NTM: variants seen among roughly 807,000 people sequenced by gnomAD.
NTM encodes the protein neurotrimin.
Under a neutral mutation model 42.1 loss-of-function variants are expected in NTM, and 13 were observed. The ratio of observed to expected loss-of-function variants is 0.31; its 90% confidence interval spans 0.20 to 0.49. NTM has a LOEUF of 0.49. Among genes scored for constraint, NTM ranks in the 20% least tolerant of loss-of-function variants. NTM has a pLI of 0.99. For missense variants in NTM, 373 were observed against 452.8 expected (o/e 0.82, Z 1.60); for synonymous variants, 187 against 179.2 (o/e 1.04, Z -0.35).
intron 1 of NTM, among the ~76,000 whole-genome samples, chr11:131,751,330 C>T (rs2082487860): frequency 6.6e-6 from 1 of 151,796 alleles, no homozygotes; most frequent in African/African-American, 2.4e-5. Flanking sequence ...CTCACGCCAC[C>T]GTGTAATCCC....
intron 1 of NTM, among the ~76,000 whole-genome samples, chr11:131,565,012 G>A (rs1423407093): frequency 6.6e-6 from 1 of 152,226 alleles, no homozygotes; most frequent in Non-Finnish European, 1.5e-5. Context: ...GTATGGGACA[G>A]GACGACATAC....
chr11:131,945,704 G>A (rs577978504), intron 2 of NTM, among the ~76,000 whole-genome samples: 5 of 152,288 alleles, frequency 3.3e-5, no homozygotes, highest in East Asian at 1.9e-4. Flanking sequence ...ATTTCCCTGT[G>A]GGGTAGTCTC....
Position 131,394,494 on chromosome 11 carries a change from C to T in NTM, c.82+23606C>T, listed in dbSNP as rs896327839. Among the ~76,000 whole-genome samples the T allele has an allele frequency of 4.6e-5, 7 of 152,238 alleles. No individual in the cohort carries two copies. The East Asian group carries it at 5.8e-4, about 13-fold the overall frequency. On this transcript the variant is annotated intron_variant, in intron 1 of 8. Coordinates refer to ENST00000683400, the MANE Select transcript of NTM (RefSeq NM_001352005.2). ...AGAAGACTGAGTAGGGACTCAGTGT[C>T]GGCCCTTCTACTAATGCTAGTTGTT...
At chr11:131,560,326 G>A (rs569324662) in intron 1 of NTM, among the ~76,000 whole-genome samples, 48 of 152,216 alleles carry the variant, frequency 3.2e-4, no homozygotes, top group African/African-American at 5.1e-4. Context: ...GCAGATCCCC[G>A]TAGTCATAAA....
intron 2 of NTM, among the ~76,000 whole-genome samples, chr11:132,016,979 CT>C (rs2073523962): frequency 6.6e-6 from 1 of 151,866 alleles, no homozygotes; most frequent in Admixed American, 6.6e-5. Context: ...TTGATTATTT[CT>C]TAATTGAGTT....
chr11:131,822,454 T>A (rs145246024), intron 1 of NTM, among the ~76,000 whole-genome samples: 43 of 152,264 alleles, frequency 2.8e-4, no homozygotes, highest in East Asian at 2.7e-3. Context: ...ATGGTTTTTT[T>A]AAAAAAACAA....
chr11:131,744,319 C>G (rs921542503), intron 1 of NTM, among the ~76,000 whole-genome samples: 1 of 152,132 alleles, frequency 6.6e-6, no homozygotes, highest in Non-Finnish European at 1.5e-5. Flanking sequence ...AGACTATATT[C>G]TTATAATATT....
At chr11:131,735,009 A>T (rs1293585432) in intron 1 of NTM, among the ~76,000 whole-genome samples, 1 of 152,202 alleles carries the variant, frequency 6.6e-6, no homozygotes, top group East Asian at 1.9e-4. Context: ...ATGTGACAAA[A>T]TCCTTCCTGA....
chr11:132,089,920 G>T (rs1566132019), intron 2 of NTM, among the ~76,000 whole-genome samples: 1 of 151,636 alleles, frequency 6.6e-6, no homozygotes, highest in African/African-American at 2.4e-5. Context: ...AAAATTCAAG[G>T]TTTTTTTTAT....
At chr11:131,564,269 C>CTTA (rs1188293261) in intron 1 of NTM, among the ~76,000 whole-genome samples, 6 of 95,508 alleles carry the variant, frequency 6.3e-5, no homozygotes, top group Admixed American at 9.5e-5. Context: ...TTTATGCCAC[C>CTTA]TTATTTATTT....
intron 1 of NTM, among the ~76,000 whole-genome samples, chr11:131,567,848 A>G (rs776468981): frequency 1.2e-4 from 19 of 152,210 alleles, no homozygotes; most frequent in Non-Finnish European, 2.8e-4. Flanking sequence ...GAGAGATGGA[A>G]CATCACCTGG....
intron 2 of NTM, among the ~76,000 whole-genome samples, chr11:132,014,345 G>A (rs75219144): frequency 0.022 from 3,311 of 152,086 alleles, 123 homozygotes; most frequent in African/African-American, 0.074. Flanking sequence ...ACAGTGCTGC[G>A]GTAAATGCGG....
intron 8 of NTM, among the ~76,000 whole-genome samples, chr11:132,333,066 G>C (rs1205871408): frequency 6.6e-6 from 1 of 152,188 alleles, no homozygotes; most frequent in Admixed American, 6.5e-5. Context: ...GCTGACAGCT[G>C]TGTCCCCTGC....
intron 2 of NTM, among the ~76,000 whole-genome samples, chr11:132,114,104 T>G (rs9666546): frequency 0.72 from 109,846 of 152,106 alleles, 40,802 homozygotes; most frequent in African/African-American, 0.86. Flanking sequence ...TTTTGAAGAT[T>G]TATTTCTATT....
intron 1 of NTM, among the ~76,000 whole-genome samples, chr11:131,605,393 A>G (rs1268298173): frequency 6.6e-6 from 1 of 152,146 alleles, no homozygotes; most frequent in Non-Finnish European, 1.5e-5. Context: ...TTATTTTTGT[A>G]TATTTATTGT....
intron 1 of NTM, among the ~76,000 whole-genome samples, chr11:131,685,679 C>CT (rs1043655401): frequency 1.1e-4 from 16 of 152,190 alleles, no homozygotes; most frequent in East Asian, 3.9e-4. Flanking sequence ...CTCTCCTTAC[C>CT]TTTTTTTAAA....
rs374078653 is a variant in NTM, at chr11:132,212,890, G to A, written c.526+743G>A. On this transcript the variant is annotated intron_variant, in intron 4 of 8. Transcript: ENST00000683400. ...CCAGCCTCTCTTCTAGGCACTGGGG[G>A]TTACAGCAATAAGCCAAAGCGGTGA... 3.3e-5 allele frequency among the ~76,000 whole-genome samples: 5 copies of A among 151,944 alleles called. No homozygotes were observed. The South Asian group carries it at 6.2e-4, about 19-fold the overall frequency.
At chr11:131,404,504 C>T (rs1384931262) in intron 1 of NTM, among the ~76,000 whole-genome samples, 1 of 152,178 alleles carries the variant, frequency 6.6e-6, no homozygotes, top group Non-Finnish European at 1.5e-5. Context: ...ATCCACTTCT[C>T]CGGGAGATCT....
intron 2 of NTM, among the ~76,000 whole-genome samples, chr11:132,045,000 G>C (rs2077785789): frequency 6.6e-6 from 1 of 152,160 alleles, no homozygotes. Context: ...AAATTGAAAA[G>C]AAGGGGACTT....
Sources: allele counts gnomAD v4.1 joint callset (sites outside exome capture counted in the v4.1 genomes callset), GRCh38; gene constraint gnomAD v4.1.1; transcripts MANE v1.5; gene names NCBI Gene and HGNC (gene_info 2026-07-23, HGNC 2026-07-21).